KRABD3: variants seen among roughly 807,000 people sequenced by gnomAD.
KRABD3 encodes KRAB domain containing 3, also known as KRAB domain-containing protein 3.
chr7:149,733,503 A>G, the KRABD3 span: 1 of 1,586,632 alleles, frequency 6.3e-7, no homozygotes, highest in Admixed American at 1.8e-5. Flanking sequence ...CCAATGGGCC[A>G]AGCTTCCTGG....
the KRABD3 span, chr7:149,734,375 G>C: frequency 3.3e-6 from 1 of 300,268 alleles, no homozygotes; most frequent in African/African-American, 2.2e-5. Context: ...ATATGCAGGG[G>C]GTGCCCCACA....
At chr7:149,728,483 G>A in the KRABD3 span, 140 of 1,604,354 alleles carry the variant, frequency 8.7e-5, 3 homozygotes, top group Middle Eastern at 6.1e-3. Flanking sequence ...CAGAGATTGA[G>A]CTACAGTCCC....
chr7:149,719,579 TTC>T, the KRABD3 span: 1 of 1,605,736 alleles, frequency 6.2e-7, no homozygotes, highest in Non-Finnish European at 8.5e-7. This position sits in a 1 kb window ranked among gnomAD's most constrained non-coding sequence, Gnocchi z 5.6. Context: ...GGCCGTGCGG[TTC>T]TCGGAGGAGG....
At chr7:149,716,918 C>T in the KRABD3 span, among the ~76,000 whole-genome samples, 1 of 152,158 alleles carries the variant, frequency 6.6e-6, no homozygotes, top group South Asian at 2.1e-4. Flanking sequence ...TTGTTATGAT[C>T]CCAGTATTAC....
At chr7:149,728,505 A>C in the KRABD3 span, 1 of 1,611,884 alleles carries the variant, frequency 6.2e-7, no homozygotes, top group African/African-American at 1.3e-5. Flanking sequence ...CTCATCTGTG[A>C]ATGTTTGATC....
At chr7:149,725,538 G>A in the KRABD3 span, 54 of 1,513,560 alleles carry the variant, frequency 3.6e-5, no homozygotes, top group Admixed American at 4.1e-4. Flanking sequence ...GCGTGGCAGC[G>A]GAGGCAGATG....
the KRABD3 span, chr7:149,733,148 G>T: frequency 6.5e-6 from 10 of 1,530,204 alleles, no homozygotes; most frequent in Admixed American, 1.8e-4. Flanking sequence ...TGGGACCTCT[G>T]GGGAGAGAAA....
the KRABD3 span, chr7:149,723,423 C>T: frequency 2.7e-5 from 10 of 367,390 alleles, no homozygotes; most frequent in Non-Finnish European, 4.0e-5. Context: ...ACTCCATTTT[C>T]CTCAAATGTA....
At chr7:149,721,739 C>T in the KRABD3 span, 5 of 720,780 alleles carry the variant, frequency 6.9e-6, no homozygotes, top group Admixed American at 2.0e-5. Flanking sequence ...AGGCATGATG[C>T]TCAGCCCCTG....
chr7:149,719,161 C>T, the KRABD3 span, among the ~76,000 whole-genome samples: 2 of 152,346 alleles, frequency 1.3e-5, no homozygotes, highest in East Asian at 3.9e-4. The surrounding 1 kb of genome is among the most constrained non-coding windows in gnomAD (Gnocchi z 5.6). Context: ...CTTGTGGCTG[C>T]ATGACTGTAG....
At chr7:149,730,377 G>T in the KRABD3 span, 1 of 1,553,762 alleles carries the variant, frequency 6.4e-7, no homozygotes, top group Non-Finnish European at 8.7e-7. Context: ...AGCGGGATGT[G>T]TGCCAGGGCG....
At chr7:149,729,515 C>T in the KRABD3 span, 1 of 1,257,880 alleles carries the variant, frequency 7.9e-7, no homozygotes, top group Non-Finnish European at 1.0e-6. Flanking sequence ...CAAACAGAAA[C>T]TGAGGTTCGC....
the KRABD3 span, chr7:149,719,732 C>A: frequency 6.4e-7 from 1 of 1,551,542 alleles, no homozygotes. This position sits in a 1 kb window ranked among gnomAD's most constrained non-coding sequence, Gnocchi z 5.6. Flanking sequence ...GAAGGGAGGC[C>A]GGAGTCCCTG....
chr7:149,721,056 A>G, the KRABD3 span: 2 of 1,560,734 alleles, frequency 1.3e-6, no homozygotes, highest in South Asian at 2.3e-5. Flanking sequence ...GCACAAGTCC[A>G]CGGCACTGCA....
the KRABD3 span, chr7:149,719,379 C>T: frequency 1.6e-6 from 1 of 635,792 alleles, no homozygotes; most frequent in Non-Finnish European, 2.5e-6. The surrounding 1 kb of genome is among the most constrained non-coding windows in gnomAD (Gnocchi z 5.6). Flanking sequence ...TGCAGAGACA[C>T]AGCTCACCCC....
chr7:149,732,411 G>A, the KRABD3 span, among the ~76,000 whole-genome samples: 6 of 152,108 alleles, frequency 3.9e-5, no homozygotes, highest in African/African-American at 7.2e-5. The surrounding 1 kb of genome is among the most constrained non-coding windows in gnomAD (Gnocchi z 4.0). Flanking sequence ...CTTTTTCCTC[G>A]GTTTAAAGCC....
chr7:149,723,389 C>T, the KRABD3 span, among the ~76,000 whole-genome samples: 1 of 152,252 alleles, frequency 6.6e-6, no homozygotes, highest in Non-Finnish European at 1.5e-5. Flanking sequence ...GTGAGCTTAG[C>T]TGCAGTAATG....
the KRABD3 span, among the ~76,000 whole-genome samples, chr7:149,718,601 C>T: frequency 6.8e-6 from 1 of 147,412 alleles, no homozygotes; most frequent in South Asian, 2.2e-4. Flanking sequence ...TCACTGCAAC[C>T]TCTGCCTTCC....
the KRABD3 span, chr7:149,725,631 A>C: frequency 1.1e-6 from 1 of 901,376 alleles, no homozygotes; most frequent in Non-Finnish European, 1.6e-6. Context: ...ACTCACTCCC[A>C]AACAGCCGCC....
Sources: allele counts gnomAD v4.1 joint callset (sites outside exome capture counted in the v4.1 genomes callset), GRCh38; gene constraint gnomAD v4.1.1; non-coding constraint Gnocchi (gnomAD v3.1); transcripts MANE v1.5; gene names NCBI Gene and HGNC (gene_info 2026-07-23, HGNC 2026-07-21).